The following NPR2 variants were observed in gnomAD, a reference collection of about 807,000 sequenced individuals.
NPR2 encodes atrial natriuretic peptide receptor 2.
In NPR2, 49 loss-of-function variants were observed where a neutral mutation model predicts 120.7. The observed-to-expected ratio is 0.41, with a 90% CI of 0.32 to 0.52. The LOEUF (loss-of-function observed/expected upper bound fraction) is 0.52, where lower values mean the gene tolerates loss of function less well. NPR2 is among the 20% of genes least tolerant of loss of function. The pLI is 0.36. For synonymous variants in NPR2, 484 were observed against 519.8 expected, an observed-to-expected ratio of 0.93 and a Z score of 0.94; for missense variants, 931 against 1,362.9, an observed-to-expected ratio of 0.68 and a Z score of 4.99.
At position 35,809,544 on chromosome 9, in the gene NPR2, G is replaced by A. The variant is rs760078276; in HGVS notation, c.*99G>A. ...ACACCAGAAATGGACATTTTCATATGCAATGGAAAACAGCCACAAAAAAAC... is the reference window on the plus strand; with the variant it reads ...ACACCAGAAATGGACATTTTCATATACAATGGAAAACAGCCACAAAAAAAC... On this transcript the variant is annotated 3_prime_UTR_variant, in exon 22 of 22. Coordinates refer to ENST00000342694, the MANE Select transcript of NPR2 (RefSeq NM_003995.4). This position sits in a 1 kb window ranked among gnomAD's most constrained non-coding sequence, Gnocchi z 4.1. The A allele has an allele frequency of 2.5e-6, 4 of 1,596,880 alleles. No individual in the cohort carries two copies. The highest frequency in any genetic ancestry group is 3.4e-6 in the Non-Finnish European group (4 of 1,164,776).
intron 7 of NPR2, 96 bp downstream of exon 7, chr9:35,801,250 G>T: frequency 1.1e-6 from 1 of 907,944 alleles, no homozygotes; most frequent in South Asian, 1.3e-5. Context: ...GGATAGGGTA[G>T]TAGGTTTCTT....
At position 35,796,676 on chromosome 9, in the gene NPR2, G is replaced by C. The variant is rs79396603; in HGVS notation, c.873+2573G>C. ...ACAGAGAAATAAAGAGGGAATCTTT[G>C]CTGCAACACAAGAGAAGGGAACTAG... On this transcript the variant is annotated intron_variant, in intron 2 of 21. Coordinates refer to ENST00000342694, the MANE Select transcript of NPR2 (RefSeq NM_003995.4). Among the ~76,000 whole-genome samples the C allele has an allele frequency of 9.7e-3, 1,483 of 152,270 alleles. 14 individuals are homozygous for C. Among genetic ancestry groups the C allele is most frequent in the African/African-American group, 0.034 (1,416 of 41,524 alleles).
chr9:35,792,034 G>A lies in NPR2; in HGVS notation c.-375G>A, dbSNP rs928325242. On this transcript the variant is annotated 5_prime_UTR_variant, in exon 1 of 22. Transcript: ENST00000342694. ...CCCAGGCCGTTTCTTTGTACCACCCGCCCCCCACCCCCACCCCATCCCAGT... is the reference window on the plus strand; with the variant it reads ...CCCAGGCCGTTTCTTTGTACCACCCACCCCCCACCCCCACCCCATCCCAGT... 5.0e-5 allele frequency: 2 copies of A among 40,262 alleles called. No individual in the cohort carries two copies. Among genetic ancestry groups the A allele is most frequent in the Admixed American group, 2.5e-4 (1 of 4,036 alleles). 2.5% of individuals were successfully genotyped at this position (40,262 alleles called of 1,614,324 possible). A position where few individuals can be genotyped will look rare whatever the true frequency, so the allele number is the denominator to read the frequency against.
At position 35,793,028 on chromosome 9, in the gene NPR2, C is replaced by T; in HGVS notation, c.620C>T (p.Pro207Leu). Reference protein sequence around the residue: ...SVQHQVYAREPGGPEQATHFI... With the variant: ...SVQHQVYARELGGPEQATHFI... The stretch of plus-strand genomic sequence containing the variant: ...CAGCACCAGGTGTATGCCCGAGAGC[C>T]AGGGGGCCCCGAGCAGGCCACCCAC... The change falls in exon 1 of 22, where the codon CCA becomes CTA. Residue 207 changes from proline (P) to leucine (L), a missense_variant. Coordinates refer to ENST00000342694, the MANE Select transcript of NPR2 (RefSeq NM_003995.4). The T allele has an allele frequency of 6.2e-7, 1 of 1,608,022 alleles. No homozygotes were observed. Among genetic ancestry groups the T allele is most frequent in the Non-Finnish European group, 8.5e-7 (1 of 1,176,928 alleles).
At chr9:35,799,838 G>A in intron 3 of NPR2, 107 bp downstream of exon 3, 1 of 1,361,594 alleles carries the variant, frequency 7.3e-7, no homozygotes, top group Non-Finnish European at 1.0e-6. Flanking sequence ...AACTTTGGGG[G>A]GTCTCCGCTT....
In NPR2 at chr9:35,806,993, T is replaced by A; in HGVS notation, c.2520-30T>A. The A allele has an allele frequency of 1.2e-6, 2 of 1,613,046 alleles. No homozygotes were observed. Among genetic ancestry groups the A allele is most frequent in the Non-Finnish European group, 1.7e-6 (2 of 1,179,188 alleles). On this transcript the variant is annotated intron_variant, in intron 16 of 21. Transcript: ENST00000342694. The surrounding 1 kb of genome is among the most constrained non-coding windows in gnomAD (Gnocchi z 4.6). Reference sequence around the variant, plus strand: ...CTCTTCCACTCCTGCTCTCTTGGAGTTTGGCTCATACGGCACCCTTGCTTC... The same window carrying A: ...CTCTTCCACTCCTGCTCTCTTGGAGATTGGCTCATACGGCACCCTTGCTTC...
intron 2 of NPR2, among the ~76,000 whole-genome samples, chr9:35,796,605 T>C (rs1393000448): frequency 2.0e-5 from 3 of 152,192 alleles, no homozygotes; most frequent in Non-Finnish European, 4.4e-5. Context: ...TAATCAGTTA[T>C]ATCAATTAAC....
intron 2 of NPR2, among the ~76,000 whole-genome samples, chr9:35,796,188 G>A (rs1827940288): frequency 6.6e-6 from 1 of 152,106 alleles, no homozygotes; most frequent in Non-Finnish European, 1.5e-5. Context: ...AACCTTCCTG[G>A]TTATATCCTT....
Position 35,800,736 on chromosome 9 carries a change from AAGC to A in NPR2, c.1249_1251del (p.Gln417del). 1 of 1,614,118 alleles carries A rather than the reference AAGC, an allele frequency of 6.2e-7. No individual in the cohort carries two copies. Among genetic ancestry groups the A allele is most frequent in the Non-Finnish European group, 8.5e-7 (1 of 1,179,994 alleles). ...TGCAGCCCACTACTCGGGAGCTGAGAAGCAGATTTGGTGGACGGGACGGCCTAT... is the reference window on the plus strand; with the variant it reads ...TGCAGCCCACTACTCGGGAGCTGAGAAGATTTGGTGGACGGGACGGCCTAT... On this transcript the variant is annotated inframe_deletion, in exon 6 of 22. Coordinates refer to ENST00000342694, the MANE Select transcript of NPR2 (RefSeq NM_003995.4). This position sits in a 1 kb window ranked among gnomAD's most constrained non-coding sequence, Gnocchi z 4.7.
rs1253277882 is a variant in NPR2, at chr9:35,808,864, A to C, written c.2986+11A>C. 1 of 1,479,730 alleles carries C rather than the reference A, an allele frequency of 6.8e-7. No individual in the cohort carries two copies. The highest frequency in any genetic ancestry group is 1.4e-5 in the African/African-American group (1 of 72,262). 91.7% of individuals were successfully genotyped at this position (1,479,730 alleles called of 1,614,324 possible). On this transcript the variant is annotated intron_variant, in intron 20 of 21. Coordinates refer to ENST00000342694, the MANE Select transcript of NPR2 (RefSeq NM_003995.4). The surrounding 1 kb of genome is among the most constrained non-coding windows in gnomAD (Gnocchi z 4.0). Reference sequence around the variant, plus strand: ...AGTCTAATGGTCAAGGTAAGACATTAGCCCTCAACCCCACTGTTGGCCTCA... The same window carrying C: ...AGTCTAATGGTCAAGGTAAGACATTCGCCCTCAACCCCACTGTTGGCCTCA...
In NPR2 at chr9:35,800,909, C is replaced by G; in HGVS notation, c.1351+68C>G. 1 of 1,603,484 alleles carries G rather than the reference C, an allele frequency of 6.2e-7. No homozygotes were observed. The highest frequency in any genetic ancestry group is 8.5e-7 in the Non-Finnish European group (1 of 1,170,370). ...TTTCCATTCATGGCCTCCACCCTCACTGACCCTCCACTCTTAACTGTGCTT... is the reference window on the plus strand; with the variant it reads ...TTTCCATTCATGGCCTCCACCCTCAGTGACCCTCCACTCTTAACTGTGCTT... On this transcript the variant is annotated intron_variant, in intron 6 of 21. Transcript: ENST00000342694. The surrounding 1 kb of genome is among the most constrained non-coding windows in gnomAD (Gnocchi z 4.7).
Position 35,809,573 on chromosome 9 carries a change from C to T in NPR2, c.*128C>T. 1.3e-6 allele frequency: 2 copies of T among 1,496,834 alleles called. No homozygotes were observed. The highest frequency in any genetic ancestry group is 9.3e-7 in the Non-Finnish European group (1 of 1,075,378). The allele number at this position is 1,496,834 out of a possible 1,614,324, so 92.7% of individuals were successfully genotyped here. A position where few individuals can be genotyped will look rare whatever the true frequency, so the allele number is the denominator to read the frequency against. ...TGGAAAACAGCCACAAAAAAACCTA[C>T]CTTATATGGAAGTTGTAGCCCTCTG... On this transcript the variant is annotated 3_prime_UTR_variant, in exon 22 of 22. Transcript: ENST00000342694. The surrounding 1 kb of genome is among the most constrained non-coding windows in gnomAD (Gnocchi z 4.1).
At position 35,809,365 on chromosome 9, in the gene NPR2, C is replaced by G. The variant is rs1676673865; in HGVS notation, c.3079-15C>G. On this transcript the variant is annotated splice_polypyrimidine_tract_variant and intron_variant, in intron 21 of 21. Coordinates refer to ENST00000342694, the MANE Select transcript of NPR2 (RefSeq NM_003995.4). The surrounding 1 kb of genome is among the most constrained non-coding windows in gnomAD (Gnocchi z 4.1). ...CATCGAAGCATCTGAATCATGTCCA[C>G]TCTCCCACTTCCAGGGAAAAGGAAA... 1 of 1,614,054 alleles carries G rather than the reference C, an allele frequency of 6.2e-7. No individual in the cohort carries two copies. Among genetic ancestry groups the G allele is most frequent in the Non-Finnish European group, 8.5e-7 (1 of 1,179,956 alleles).
rs778523357 is a variant in NPR2 at position 35,802,715 on chromosome 9, T to G, written c.1816-17T>G. 1 of 1,597,200 alleles carries G rather than the reference T, an allele frequency of 6.3e-7. No individual in the cohort carries two copies. Among genetic ancestry groups the G allele is most frequent in the Admixed American group, 1.7e-5 (1 of 60,016 alleles). ...GGTGGGACCAGGACAGACAGTCTAT[T>G]CCATGTCACTTACCAGGATATTCTA... is the stretch of plus-strand genomic sequence containing the variant. On this transcript the variant is annotated splice_polypyrimidine_tract_variant and intron_variant, in intron 11 of 21. Transcript: ENST00000342694. The surrounding 1 kb of genome is among the most constrained non-coding windows in gnomAD (Gnocchi z 4.2).
Position 35,809,066 on chromosome 9 carries a change from C to G in NPR2, c.2987-90C>G. The G allele has an allele frequency of 3.1e-6, 4 of 1,275,060 alleles. No individual in the cohort carries two copies. The highest frequency in any genetic ancestry group is 3.4e-6 in the Non-Finnish European group (3 of 874,498). The allele number at this position is 1,275,060 out of a possible 1,614,324, so 79.0% of individuals were successfully genotyped here. On this transcript the variant is annotated intron_variant, in intron 20 of 21. Transcript: ENST00000342694. This position sits in a 1 kb window ranked among gnomAD's most constrained non-coding sequence, Gnocchi z 4.1. The stretch of plus-strand genomic sequence containing the variant: ...TGGGAGCTTCCCAGGGATGGTTGGT[C>G]GGGCACGGTGCTATACAGTATCACC...
chr9:35,809,027 T>G lies in NPR2; in HGVS notation c.2987-129T>G. 1 of 1,039,372 alleles carries G rather than the reference T, an allele frequency of 9.6e-7. No homozygotes were observed. Among genetic ancestry groups the G allele is most frequent in the South Asian group, 1.3e-5 (1 of 79,306 alleles). The allele number at this position is 1,039,372 out of a possible 1,614,324, so 64.4% of individuals were successfully genotyped here. ...TGGGAGGTTGGGCATATTTTGGTCC[T>G]AATAGATATGCATTGGGAGCTTCCC... On this transcript the variant is annotated intron_variant, in intron 20 of 21. Transcript: ENST00000342694. This position sits in a 1 kb window ranked among gnomAD's most constrained non-coding sequence, Gnocchi z 4.1.
Position 35,792,992 on chromosome 9 carries a change from A to C in NPR2, c.584A>C (p.Asn195Thr). 2 of 1,613,392 alleles carry C rather than the reference A, an allele frequency of 1.2e-6. No homozygotes were observed. Among genetic ancestry groups the C allele is most frequent in the South Asian group, 2.2e-5 (2 of 91,068 alleles). ...GTCTTTGAGGCCCTGCAGGGCAGCA[A>C]CCTCAGTGTGCAGCACCAGGTGTAT... ...EGVFEALQGS[N>T]LSVQHQVYAR... The change falls in exon 1 of 22, where the codon AAC (asparagine) becomes ACC (threonine). Residue 195 changes from asparagine (N) to threonine (T), a missense_variant. Asn to Thr is a moderately conservative substitution (Grantham distance 65). This residue lies in a region of NPR2 where 681 missense variants were observed against 974.3 expected (regional missense o/e 0.70). Transcript: ENST00000342694.
At chr9:35,803,958 G>A (rs968065080) in intron 12 of NPR2, among the ~76,000 whole-genome samples, 3 of 152,164 alleles carry the variant, frequency 2.0e-5, no homozygotes, top group Non-Finnish European at 2.9e-5. Context: ...TTACAACAAA[G>A]CCAGAAGCCT....
At chr9:35,807,229 G>A in intron 17 of NPR2, 83 bp downstream of exon 17, 1 of 1,498,550 alleles carries the variant, frequency 6.7e-7, no homozygotes, top group Non-Finnish European at 9.3e-7. Flanking sequence ...GGAAAGATGA[G>A]TTTGTTCTAG....
Sources: gnomAD v4.1 joint callset for allele counts (sites outside exome capture counted in the v4.1 genomes callset) on GRCh38, gnomAD v4.1.1 for gene constraint, gnomAD v4.1.1 regional missense constraint, Gnocchi (gnomAD v3.1) non-coding constraint, MANE v1.5 for transcripts, NCBI Gene and HGNC (gene_info 2026-07-23, HGNC 2026-07-21) for gene names.